The following PID1 variants were observed in gnomAD, a reference collection of about 807,000 sequenced individuals.
PID1 encodes PTB-containing, cubilin and LRP1-interacting protein.
A neutral mutation model predicts 19.1 loss-of-function variants in PID1; 10 were observed. The observed-to-expected ratio is 0.52, with a 90% CI of 0.32 to 0.89. The LOEUF is 0.89. PID1 is among the 40% of genes least tolerant of loss of function. The pLI, the probability that PID1 is intolerant of heterozygous loss-of-function variation, is 0.03. For synonymous variants in PID1, 130 were observed against 116.0 expected, an observed-to-expected ratio of 1.12 and a Z score of -0.78; for missense variants, 248 against 285.3, an observed-to-expected ratio of 0.87 and a Z score of 0.94.
chr2:229,051,000 G>A lies in PID1; in HGVS notation c.178-24892C>T, dbSNP rs764485406. Among the ~76,000 whole-genome samples the A allele has an allele frequency of 1.1e-3, 166 of 152,278 alleles. 3 individuals are homozygous for A. The highest frequency in any genetic ancestry group is 3.4e-3 in the Middle Eastern group (1 of 294). ...AAAGAGAAAAGCTTAACAGAACTTA[G>A]GCAGGAAGGCCAGTTGAAAAGGTGA... On this transcript the variant is annotated intron_variant, in intron 2 of 2. Coordinates refer to ENST00000392055, the MANE Select transcript of PID1 (RefSeq NM_001100818.2).
At chr2:229,146,239 A>G (rs898021608) in intron 2 of PID1, among the ~76,000 whole-genome samples, 1 of 152,188 alleles carries the variant, frequency 6.6e-6, no homozygotes, top group Admixed American at 6.5e-5. Context: ...AGAAAACCAA[A>G]CACCATTTGT....
intron 2 of PID1, among the ~76,000 whole-genome samples, chr2:229,136,124 C>T (rs1045092419): frequency 2.6e-5 from 4 of 152,174 alleles, no homozygotes; most frequent in African/African-American, 7.2e-5. Context: ...CCAACTGCCA[C>T]GTTTTGAGTT....
At chr2:229,200,403 A>G (rs1236169502) in intron 1 of PID1, among the ~76,000 whole-genome samples, 1 of 152,012 alleles carries the variant, frequency 6.6e-6, no homozygotes, top group Non-Finnish European at 1.5e-5. Flanking sequence ...TGGCTGAAGT[A>G]ACATTAATAC....
intron 2 of PID1, among the ~76,000 whole-genome samples, chr2:229,064,571 T>C (rs564595311): frequency 6.6e-6 from 1 of 152,246 alleles, no homozygotes; most frequent in East Asian, 1.9e-4. Flanking sequence ...TAAGTAATTG[T>C]CCCAAGAATT....
chr2:229,189,138 G>C (rs1691201216), intron 1 of PID1, among the ~76,000 whole-genome samples: 1 of 152,172 alleles, frequency 6.6e-6, no homozygotes, highest in Non-Finnish European at 1.5e-5. Flanking sequence ...GCTGGGTGTG[G>C]TTGTATAGAT....
chr2:229,028,263 G>T (rs774886785), intron 2 of PID1, among the ~76,000 whole-genome samples: 1 of 152,144 alleles, frequency 6.6e-6, no homozygotes, highest in Non-Finnish European at 1.5e-5. Context: ...ATTTATTTAT[G>T]ATTATGATTC....
In PID1 at chr2:229,025,111, G is replaced by C. The variant is rs528954802; in HGVS notation, c.*521C>G. 6.3e-6 allele frequency: 1 copy of C among 157,588 alleles called. No homozygotes were observed. Among genetic ancestry groups the C allele is most frequent in the Non-Finnish European group, 1.4e-5 (1 of 71,074 alleles). 9.8% of individuals were successfully genotyped at this position (157,588 alleles called of 1,614,324 possible). On this transcript the variant is annotated 3_prime_UTR_variant, in exon 3 of 3. Transcript: ENST00000392055. The stretch of plus-strand genomic sequence containing the variant: ...TTAGTTGTAAAGCTCAATAAAGGCT[G>C]TGCTGATTTGCATACAGAGGAGGGC...
At chr2:229,075,509 G>C (rs911852613) in intron 2 of PID1, among the ~76,000 whole-genome samples, 16 of 152,102 alleles carry the variant, frequency 1.1e-4, no homozygotes, top group Non-Finnish European at 2.1e-4. Flanking sequence ...AACTTTATAT[G>C]TTTGGATTTT....
At chr2:229,131,320 TC>T (rs1253636935) in intron 2 of PID1, among the ~76,000 whole-genome samples, 1 of 151,640 alleles carries the variant, frequency 6.6e-6, no homozygotes, top group Non-Finnish European at 1.5e-5. Flanking sequence ...AGCCTCCACC[TC>T]CCGGGTTCAA....
intron 1 of PID1, among the ~76,000 whole-genome samples, chr2:229,162,419 T>C (rs866608226): frequency 6.6e-5 from 10 of 152,356 alleles, no homozygotes; most frequent in Middle Eastern, 3.4e-3. Context: ...TTAATGTTTT[T>C]ATAAGATAAC....
intron 1 of PID1, among the ~76,000 whole-genome samples, chr2:229,172,223 T>C (rs1427586573): frequency 6.6e-6 from 1 of 152,116 alleles, no homozygotes; most frequent in Non-Finnish European, 1.5e-5. Context: ...CTCCTCCAAA[T>C]AGTTTCAGGG....
rs546072299 is a variant in PID1 at position 229,195,584 on chromosome 2, C to T, written c.31-39620G>A. On this transcript the variant is annotated intron_variant, in intron 1 of 2. Transcript: ENST00000392055. ...TGATAGATACTGTACACAATCTTCCCTACTTTGTTAATTTTTAGCTTAGTG... is the reference window on the plus strand; with the variant it reads ...TGATAGATACTGTACACAATCTTCCTTACTTTGTTAATTTTTAGCTTAGTG... Among the ~76,000 whole-genome samples the T allele has an allele frequency of 3.3e-5, 5 of 151,940 alleles. No individual in the cohort carries two copies. The South Asian group carries it at 8.3e-4, about 25-fold the overall frequency.
At chr2:229,199,420 T>C (rs541047950) in intron 1 of PID1, among the ~76,000 whole-genome samples, 22 of 152,190 alleles carry the variant, frequency 1.4e-4, no homozygotes, top group Middle Eastern at 6.8e-3. Context: ...AACTCTCTCA[T>C]TCTCCACCAC....
intron 2 of PID1, among the ~76,000 whole-genome samples, chr2:229,142,023 T>C (rs1035437656): frequency 2.0e-5 from 3 of 152,028 alleles, no homozygotes; most frequent in African/African-American, 7.2e-5. Flanking sequence ...AAATCCCCCT[T>C]CATATTTAAA....
At chr2:229,063,302 A>G (rs1364769646) in intron 2 of PID1, among the ~76,000 whole-genome samples, 2 of 151,896 alleles carry the variant, frequency 1.3e-5, no homozygotes, top group Non-Finnish European at 2.9e-5. Context: ...TGCTTCCCAC[A>G]TGTTTTGGTA....
intron 2 of PID1, among the ~76,000 whole-genome samples, chr2:229,080,190 T>C (rs1266133986): frequency 1.3e-5 from 2 of 152,158 alleles, no homozygotes; most frequent in Non-Finnish European, 2.9e-5. Flanking sequence ...AAAAATAAAA[T>C]ACAAATCTCA....
intron 1 of PID1, chr2:229,231,873 A>G: frequency 6.5e-7 from 1 of 1,548,928 alleles, no homozygotes; most frequent in Admixed American, 2.0e-5. Context: ...TGCTATAACG[A>G]AATACCACAG....
intron 2 of PID1, 142 bp from the exon 3 acceptor site, chr2:229,026,250 A>G: frequency 1.6e-6 from 1 of 636,018 alleles, no homozygotes; most frequent in Non-Finnish European, 2.8e-6. Flanking sequence ...CTGAAAGAAT[A>G]ACTCATCAAA....
intron 1 of PID1, among the ~76,000 whole-genome samples, chr2:229,159,269 T>C (rs1026235604): frequency 6.6e-6 from 1 of 152,190 alleles, no homozygotes. Context: ...TAGGACTCCA[T>C]CTGGCCTCTC....
Sources: gnomAD v4.1 joint callset for allele counts (sites outside exome capture counted in the v4.1 genomes callset) on GRCh38, gnomAD v4.1.1 for gene constraint, MANE v1.5 for transcripts, NCBI Gene and HGNC (gene_info 2026-07-23, HGNC 2026-07-21) for gene names.